TTC7A: variants seen among roughly 807,000 people sequenced by gnomAD.
The protein encoded by TTC7A is tetratricopeptide repeat protein 7A.
TTC7A carries 110 observed loss-of-function variants against 103.7 expected under a neutral mutation model. The ratio of observed to expected loss-of-function variants is 1.06; its 90% CI spans 0.91 to 1.24. The LOEUF is 1.24. Ranked by LOEUF, TTC7A falls within the 50% of genes most tolerant of loss-of-function variation. The pLI is 0.00. For missense variants in TTC7A, 1,340 were observed against 1,116.3 expected, an observed-to-expected ratio of 1.20 and a Z score of -2.86; for synonymous variants, 521 against 467.9, an observed-to-expected ratio of 1.11 and a Z score of -1.47.
chr2:47,058,806 T>G (rs1683527807), intron 18 of TTC7A, among the ~76,000 whole-genome samples: 1 of 151,908 alleles, frequency 6.6e-6, no homozygotes. Context: ...GTCTGAAATG[T>G]GTGTGTGTGG....
At chr2:46,972,743 G>A (rs926259438) in intron 3 of TTC7A, among the ~76,000 whole-genome samples, 14 of 152,226 alleles carry the variant, frequency 9.2e-5, no homozygotes, top group Admixed American at 3.9e-4. Context: ...GAACTGTTGG[G>A]TTCCATGGGA....
intron 15 of TTC7A, among the ~76,000 whole-genome samples, chr2:47,041,241 A>C (rs1681711370): frequency 6.6e-6 from 1 of 152,158 alleles, no homozygotes; most frequent in Non-Finnish European, 1.5e-5. Flanking sequence ...TCCGGCCCAC[A>C]CTGCAGCTAT....
chr2:47,056,020 G>T (rs1395502328), intron 18 of TTC7A, among the ~76,000 whole-genome samples: 1 of 151,750 alleles, frequency 6.6e-6, no homozygotes, highest in African/African-American at 2.4e-5. Context: ...CCTCCTCCCA[G>T]CTTCCCGAGT....
intron 3 of TTC7A, among the ~76,000 whole-genome samples, chr2:46,964,336 T>C (rs145293051): frequency 6.6e-6 from 1 of 152,260 alleles, no homozygotes; most frequent in Non-Finnish European, 1.5e-5. Context: ...ATCATACTTC[T>C]TGGAGCCAAG....
intron 8 of TTC7A, chr2:46,999,805 G>A (rs1248934953): frequency 1.0e-6 from 1 of 985,296 alleles, no homozygotes; most frequent in Non-Finnish European, 1.2e-6. Context: ...TGAACCCTTG[G>A]ATCCCTGTTT....
chr2:47,025,075 TG>T (rs1361834126), intron 14 of TTC7A, among the ~76,000 whole-genome samples: 2 of 152,220 alleles, frequency 1.3e-5, no homozygotes, highest in Admixed American at 1.3e-4. Context: ...CCTGACTGCC[TG>T]GGGATTGCAG....
intron 1 of TTC7A, among the ~76,000 whole-genome samples, chr2:46,945,696 G>C (rs2103930428): frequency 6.6e-6 from 1 of 152,256 alleles, no homozygotes; most frequent in East Asian, 1.9e-4. Flanking sequence ...CGGTCTTTGA[G>C]TGTCTCTTAA....
At chr2:47,006,352 A>C (rs1572885610) in intron 9 of TTC7A, among the ~76,000 whole-genome samples, 1 of 152,358 alleles carries the variant, frequency 6.6e-6, no homozygotes, top group Non-Finnish European at 1.5e-5. Flanking sequence ...ACGTTTTGAA[A>C]GCACTTTCAC....
At chr2:46,957,168 T>G (rs181219596) in intron 3 of TTC7A, among the ~76,000 whole-genome samples, 161 bp downstream of exon 3, 1 of 152,212 alleles carries the variant, frequency 6.6e-6, no homozygotes, top group Non-Finnish European at 1.5e-5. Flanking sequence ...ACCGGCCATG[T>G]TGACATTGCC....
At chr2:46,951,476 A>C in intron 2 of TTC7A, 3 of 430,382 alleles carry the variant, frequency 7.0e-6, no homozygotes, top group South Asian at 5.1e-5. Flanking sequence ...TCAAAAGAGG[A>C]GGGGGAGGGG....
intron 3 of TTC7A, among the ~76,000 whole-genome samples, chr2:46,974,115 C>T (rs1210908418): frequency 6.6e-6 from 1 of 152,176 alleles, no homozygotes; most frequent in Admixed American, 6.5e-5. Flanking sequence ...TTCAGTCACT[C>T]GCCACTTGCA....
intron 5 of TTC7A, among the ~76,000 whole-genome samples, chr2:46,987,703 G>C (rs1007539525): frequency 3.9e-5 from 6 of 152,170 alleles, no homozygotes; most frequent in African/African-American, 1.4e-4. Context: ...TGTGCTCACT[G>C]CACCAAAATC....
At chr2:47,047,659 T>C (rs1381806140) in intron 16 of TTC7A, among the ~76,000 whole-genome samples, 1 of 152,238 alleles carries the variant, frequency 6.6e-6, no homozygotes, top group Admixed American at 6.5e-5. Flanking sequence ...CATCCTTATC[T>C]GGATGGCTGC....
At chr2:46,971,925 A>G (rs1673392527) in intron 3 of TTC7A, among the ~76,000 whole-genome samples, 1 of 151,542 alleles carries the variant, frequency 6.6e-6, no homozygotes, top group South Asian at 2.1e-4. Context: ...CAAGTGACAA[A>G]AAAAAAAAGA....
intron 16 of TTC7A, chr2:47,047,431 G>T: frequency 1.3e-6 from 1 of 766,982 alleles, no homozygotes; most frequent in South Asian, 1.7e-5. Context: ...GGCGGAAGCT[G>T]CCAGAAGGAG....
At position 47,074,300 on chromosome 2, in the gene TTC7A, A is replaced by C. The variant is rs1685042624; in HGVS notation, c.*377A>C. On this transcript the variant is annotated 3_prime_UTR_variant, in exon 20 of 20. Coordinates refer to ENST00000319190, the MANE Select transcript of TTC7A (RefSeq NM_020458.4). The stretch of plus-strand genomic sequence containing the variant: ...CTCTCAGCACAGTACAGACTTCTGG[A>C]TCTCTCTCAGGTCTTGCCCAGGGCG... The C allele has an allele frequency of 4.5e-6, 1 of 224,564 alleles. No homozygotes were observed. The highest frequency in any genetic ancestry group is 8.6e-5 in the South Asian group (1 of 11,570). 13.9% of individuals were successfully genotyped at this position (224,564 alleles called of 1,614,324 possible). A position where few individuals can be genotyped will look rare whatever the true frequency, so the allele number is the denominator to read the frequency against.
intron 6 of TTC7A, among the ~76,000 whole-genome samples, chr2:46,993,862 C>T (rs1198144013): frequency 6.6e-6 from 1 of 152,178 alleles, no homozygotes; most frequent in Non-Finnish European, 1.5e-5. Flanking sequence ...TCCTAATAAA[C>T]AGCATTGACC....
At chr2:46,931,915 A>G (rs899011951) in intron 2 of TTC7A, among the ~76,000 whole-genome samples, 1 of 152,180 alleles carries the variant, frequency 6.6e-6, no homozygotes, top group African/African-American at 2.4e-5. Flanking sequence ...AAATTAATAC[A>G]ACTAAGTTGA....
chr2:47,068,256 G>A (rs556653599), intron 19 of TTC7A: 1 of 152,304 alleles, frequency 6.6e-6, no homozygotes, highest in South Asian at 2.1e-4. Flanking sequence ...CCTGACACTG[G>A]GTGGGGCTCA....
Sources: gnomAD v4.1 joint callset for allele counts (sites outside exome capture counted in the v4.1 genomes callset) on GRCh38, gnomAD v4.1.1 for gene constraint, MANE v1.5 for transcripts, NCBI Gene and HGNC (gene_info 2026-07-23, HGNC 2026-07-21) for gene names.